RAB10: variants seen among roughly 807,000 people sequenced by gnomAD.
The protein encoded by RAB10 is ras-related protein Rab-10.
A neutral mutation model predicts 25.7 loss-of-function variants in RAB10; 5 were observed. The ratio of observed to expected loss-of-function variants is 0.19; its 90% confidence interval spans 0.10 to 0.41. RAB10 has a LOEUF of 0.41. RAB10 is among the 10% of genes least tolerant of loss of function. RAB10 has a pLI of 1.00. For missense variants in RAB10, 103 were observed against 245.8 expected, an observed-to-expected ratio of 0.42 and a Z score of 3.89; for synonymous variants, 89 against 86.4, an observed-to-expected ratio of 1.03 and a Z score of -0.16.
rs529820250 is a variant in RAB10, at chr2:26,095,183, G to T, written c.128-3479G>T. 2.0e-5 allele frequency among the ~76,000 whole-genome samples: 3 copies of T among 152,148 alleles called. No individual in the cohort carries two copies. In the South Asian group the frequency reaches 6.2e-4, roughly 32 times the overall value. On this transcript the variant is annotated intron_variant, in intron 1 of 5. Coordinates refer to ENST00000264710, the MANE Select transcript of RAB10 (RefSeq NM_016131.5). ...CTTTGCCAGTGAATAGTTGTGTTTT[G>T]TTTTTTTCCCTAGGCAACTCTCACT...
chr2:26,089,422 C>CAAAAA (rs11315031), intron 1 of RAB10, among the ~76,000 whole-genome samples: 1 of 128,476 alleles, frequency 7.8e-6, no homozygotes, highest in Non-Finnish European at 1.7e-5. Context: ...GACTCTGTCT[C>CAAAAA]AAAAAAAAAA....
chr2:26,124,443 T>G (rs911410892), intron 3 of RAB10, among the ~76,000 whole-genome samples: 1 of 142,386 alleles, frequency 7.0e-6, no homozygotes, highest in Non-Finnish European at 1.5e-5. Flanking sequence ...TTTGTTGCCC[T>G]GGCTGGAGTG....
chr2:26,112,452 C>G (rs1011560707), intron 3 of RAB10, among the ~76,000 whole-genome samples: 4 of 152,146 alleles, frequency 2.6e-5, no homozygotes, highest in African/African-American at 9.7e-5. Flanking sequence ...CAAAAGACAA[C>G]CCTGTCACTC....
chr2:26,119,667 G>A (rs1018097483), intron 3 of RAB10, among the ~76,000 whole-genome samples: 45 of 152,034 alleles, frequency 3.0e-4, no homozygotes, highest in Admixed American at 6.6e-4. Context: ...GACCACAAGC[G>A]TGCTATATCA....
chr2:26,057,016 C>T (rs1240618223), intron 1 of RAB10, among the ~76,000 whole-genome samples: 1 of 152,154 alleles, frequency 6.6e-6, no homozygotes, highest in Non-Finnish European at 1.5e-5. Flanking sequence ...AGCATTAGCT[C>T]TATGCCACGT....
intron 2 of RAB10, among the ~76,000 whole-genome samples, chr2:26,103,394 TCTAGTGA>T (rs1667385355): frequency 2.0e-5 from 3 of 152,162 alleles, no homozygotes; most frequent in African/African-American, 7.2e-5. Flanking sequence ...AAAAATGGTT[TCTAGTGA>T]TTGGGGAAAA....
intron 1 of RAB10, among the ~76,000 whole-genome samples, chr2:26,084,513 A>G (rs1559588319): frequency 1.3e-5 from 2 of 152,174 alleles, no homozygotes; most frequent in Admixed American, 1.3e-4. Flanking sequence ...GGTACATGGT[A>G]CACCATGTTT....
chr2:26,091,463 A>T (rs1278624927), intron 1 of RAB10, among the ~76,000 whole-genome samples: 2 of 152,172 alleles, frequency 1.3e-5, no homozygotes, highest in South Asian at 2.1e-4. Flanking sequence ...ATAGAGCAAC[A>T]AAAAGGAAGT....
intron 1 of RAB10, chr2:26,098,390 A>C (rs1667274064): frequency 2.8e-6 from 1 of 362,436 alleles, no homozygotes; most frequent in African/African-American, 2.2e-5. Flanking sequence ...TGCCCACCTC[A>C]GCCTCTCAAA....
chr2:26,117,705 T>C (rs988203793), intron 3 of RAB10, among the ~76,000 whole-genome samples: 1 of 150,874 alleles, frequency 6.6e-6, no homozygotes, highest in Non-Finnish European at 1.5e-5. Context: ...CTAACTAACA[T>C]AGCCTGGGAG....
At chr2:26,035,503 T>G (rs1461049916) in intron 1 of RAB10, among the ~76,000 whole-genome samples, 1 of 152,188 alleles carries the variant, frequency 6.6e-6, no homozygotes, top group African/African-American at 2.4e-5. Flanking sequence ...TCAGAATTAC[T>G]TAGTGTGGAA....
chr2:26,061,542 CCTGA>C (rs1163965831), intron 1 of RAB10, among the ~76,000 whole-genome samples: 8 of 151,794 alleles, frequency 5.3e-5, no homozygotes, highest in Admixed American at 5.3e-4. Flanking sequence ...TGCCACCATG[CCTGA>C]CTAATTAAAA....
At chr2:26,101,372 G>A (rs750451) in intron 2 of RAB10, 116,013 of 152,210 alleles carry the variant, frequency 0.76, 44,307 homozygotes, top group East Asian at 0.87. Flanking sequence ...TCCGGTATGG[G>A]TCTTACAAGA....
intron 5 of RAB10, among the ~76,000 whole-genome samples, chr2:26,130,511 G>A (rs1355154072): frequency 6.6e-6 from 1 of 151,106 alleles, no homozygotes; most frequent in Non-Finnish European, 1.5e-5. Flanking sequence ...GTCTGACTAT[G>A]TTGCCCAGGC....
intron 1 of RAB10, among the ~76,000 whole-genome samples, chr2:26,060,047 G>C (rs1347785567): frequency 6.6e-6 from 1 of 152,160 alleles, no homozygotes. Context: ...TAGAATTGGA[G>C]GTAGAGGCAG....
intron 1 of RAB10, among the ~76,000 whole-genome samples, chr2:26,039,988 A>G (rs1205362834): frequency 1.3e-5 from 2 of 152,192 alleles, no homozygotes; most frequent in African/African-American, 4.8e-5. Context: ...TTAAAGAGGC[A>G]TATTTCAAGT....
intron 1 of RAB10, among the ~76,000 whole-genome samples, chr2:26,098,362 G>A (rs1333747560): frequency 1.3e-5 from 2 of 151,912 alleles, no homozygotes; most frequent in African/African-American, 4.8e-5. Flanking sequence ...GGTCTCGAAC[G>A]CCTGGGCTTA....
intron 1 of RAB10, among the ~76,000 whole-genome samples, chr2:26,072,881 A>G (rs1666657927): frequency 6.6e-6 from 1 of 152,198 alleles, no homozygotes; most frequent in Non-Finnish European, 1.5e-5. Context: ...AAATACTTAA[A>G]TTGTTTTCTT....
intron 1 of RAB10, among the ~76,000 whole-genome samples, chr2:26,069,713 CT>C (rs1193724125): frequency 4.8e-5 from 7 of 145,076 alleles, no homozygotes; most frequent in Admixed American, 6.9e-5. Flanking sequence ...TACTCAGATA[CT>C]TTTTTTTTTG....
Sources: gnomAD v4.1 joint callset for allele counts (sites outside exome capture counted in the v4.1 genomes callset) on GRCh38, gnomAD v4.1.1 for gene constraint, MANE v1.5 for transcripts, NCBI Gene and HGNC (gene_info 2026-07-23, HGNC 2026-07-21) for gene names.